TRAPPC12: variants seen among roughly 807,000 people sequenced by gnomAD.
TRAPPC12 encodes TPR repeat protein 15.
TRAPPC12 carries 61 observed loss-of-function variants against 69.2 expected under a neutral mutation model. That is an observed-to-expected ratio of 0.88 (90% CI 0.72 to 1.09). The LOEUF is 1.09. Ranked by LOEUF, TRAPPC12 falls within the 50% of genes least tolerant of loss-of-function variation. The pLI, the probability that TRAPPC12 is intolerant of heterozygous loss-of-function variation, is 0.00. For missense variants in TRAPPC12, 1,101 were observed against 1,016.4 expected (o/e 1.08, Z -1.13); for synonymous variants, 469 against 438.9 (o/e 1.07, Z -0.86).
At chr2:3,463,452 G>A (rs749800612) in intron 8 of TRAPPC12, among the ~76,000 whole-genome samples, 4 of 151,588 alleles carry the variant, frequency 2.6e-5, no homozygotes, top group African/African-American at 4.9e-5. Context: ...CTGGAATCCA[G>A]CTTCCTCTCA....
At chr2:3,447,499 T>TAA (rs1471254311) in intron 6 of TRAPPC12, among the ~76,000 whole-genome samples, 1 of 152,048 alleles carries the variant, frequency 6.6e-6, no homozygotes, top group Non-Finnish European at 1.5e-5. Context: ...GCACCAGACT[T>TAA]TTTTTGACAA....
chr2:3,444,719 G>A (rs1002041326), intron 6 of TRAPPC12, among the ~76,000 whole-genome samples: 3 of 152,202 alleles, frequency 2.0e-5, no homozygotes, highest in Non-Finnish European at 2.9e-5. Flanking sequence ...GAAGTTTTGC[G>A]GAGTTCCAAG....
At chr2:3,432,914 G>A (rs1031612629) in intron 5 of TRAPPC12, among the ~76,000 whole-genome samples, 4 of 152,224 alleles carry the variant, frequency 2.6e-5, no homozygotes, top group South Asian at 2.1e-4. Flanking sequence ...TGGCAGACGC[G>A]TACAGAGGCA....
chr2:3,395,241 C>G (rs1661059678), intron 2 of TRAPPC12, among the ~76,000 whole-genome samples: 1 of 152,176 alleles, frequency 6.6e-6, no homozygotes, highest in African/African-American at 2.4e-5. Context: ...CTACTTGATA[C>G]AAAGGATCTC....
At chr2:3,474,043 G>A (rs1666183131) in intron 9 of TRAPPC12, among the ~76,000 whole-genome samples, 1 of 152,140 alleles carries the variant, frequency 6.6e-6, no homozygotes, top group Non-Finnish European at 1.5e-5. Context: ...CTTTAAAATG[G>A]CCATTGCCCA....
At chr2:3,478,729 G>A (rs887229345) in intron 10 of TRAPPC12, 117 bp from the exon 11 acceptor site, 23 of 806,386 alleles carry the variant, frequency 2.9e-5, no homozygotes, top group Middle Eastern at 3.6e-4. Flanking sequence ...CAGGAACCCC[G>A]GGCCACACAG....
rs4971503 is a variant in TRAPPC12, at chr2:3,413,450, G to T, written c.1165-8431G>T. ...CCGTAGCACCAGCAGCTCTTGTTGA[G>T]TGGTGTTCGGTTAGTGAACAGTTTT... On this transcript the variant is annotated intron_variant, in intron 3 of 11. Coordinates refer to ENST00000324266, the MANE Select transcript of TRAPPC12 (RefSeq NM_016030.6). 2.0e-5 allele frequency among the ~76,000 whole-genome samples: 3 copies of T among 152,096 alleles called. No homozygotes were observed. The South Asian group carries it at 6.2e-4, about 31-fold the overall frequency.
intron 4 of TRAPPC12, among the ~76,000 whole-genome samples, chr2:3,422,676 C>T (rs1479905419): frequency 2.0e-5 from 3 of 152,194 alleles, no homozygotes; most frequent in Non-Finnish European, 4.4e-5. Context: ...CAGCAGGCTC[C>T]TTCTCCTTCT....
rs930045735 is a variant in TRAPPC12 at position 3,430,487 on chromosome 2, C to T, written c.1417+5824C>T. The stretch of plus-strand genomic sequence containing the variant: ...TCGGAGTCTCCTCTTTGGTGACTCA[C>T]TCTTTCATAATCTTGGCCTGTATTT... On this transcript the variant is annotated intron_variant, in intron 5 of 11. Transcript: ENST00000324266. 1.7e-4 allele frequency among the ~76,000 whole-genome samples: 26 copies of T among 152,204 alleles called. 1 individual carries two copies. The highest frequency in any genetic ancestry group is 4.4e-5 in the Non-Finnish European group (3 of 68,034).
intron 2 of TRAPPC12, among the ~76,000 whole-genome samples, chr2:3,397,511 ACT>A (rs949946196): frequency 4.6e-5 from 7 of 152,058 alleles, no homozygotes; most frequent in African/African-American, 1.4e-4. Flanking sequence ...TCAGAGCTGC[ACT>A]CTCTGCACAT....
chr2:3,475,819 C>T (rs148905510), intron 9 of TRAPPC12, among the ~76,000 whole-genome samples: 6 of 152,190 alleles, frequency 3.9e-5, no homozygotes, highest in Non-Finnish European at 8.8e-5. Context: ...ATCTAGAAAG[C>T]GAAGCTAGCG....
At chr2:3,477,642 A>T (rs577742768) in intron 9 of TRAPPC12, 53 bp from the exon 10 acceptor site, 1 of 1,118,788 alleles carries the variant, frequency 8.9e-7, no homozygotes, top group East Asian at 2.4e-5. Context: ...ATATATGAGT[A>T]TAGACTTAAT....
chr2:3,457,899 C>T, intron 7 of TRAPPC12: 1 of 1,420,330 alleles, frequency 7.0e-7, no homozygotes, highest in South Asian at 1.5e-5. Flanking sequence ...AGCCTCAGAC[C>T]CGAACCCTGC....
At chr2:3,463,503 C>CGAGCT (rs919640158) in intron 8 of TRAPPC12, among the ~76,000 whole-genome samples, 6 of 151,312 alleles carry the variant, frequency 4.0e-5, no homozygotes, top group African/African-American at 1.2e-4. Context: ...TGGGAAGAGC[C>CGAGCT]ATGCCTAAAG....
At position 3,460,673 on chromosome 2, in the gene TRAPPC12, G is replaced by A. The variant is rs979543857; in HGVS notation, c.1677+337G>A. The A allele has an allele frequency of 3.0e-5, 8 of 264,374 alleles. 1 individual carries two copies. Among genetic ancestry groups the A allele is most frequent in the African/African-American group, 1.8e-4 (8 of 44,782 alleles). 16.4% of individuals were successfully genotyped at this position (264,374 alleles called of 1,614,324 possible). On this transcript the variant is annotated intron_variant, in intron 8 of 11. Coordinates refer to ENST00000324266, the MANE Select transcript of TRAPPC12 (RefSeq NM_016030.6). ...TGTCCTTTGTTCTCCCTATCTTCGTGGAGGGTGTTTTTTTCACCTCATGGT... is the reference window on the plus strand; with the variant it reads ...TGTCCTTTGTTCTCCCTATCTTCGTAGAGGGTGTTTTTTTCACCTCATGGT...
At position 3,407,351 on chromosome 2, in the gene TRAPPC12, A is replaced by C. The variant is rs549586384; in HGVS notation, c.1164+5458A>C. Among the ~76,000 whole-genome samples, 203 of 152,368 alleles carry C rather than the reference A, an allele frequency of 1.3e-3. 5 individuals are homozygous for C. The South Asian group carries it at 0.041, about 31-fold the overall frequency. ...CCTGTATCGTACTCCTAGCAAAAAA[A>C]CGTAAAAGTAGTTTTTATCTAAAAT... On this transcript the variant is annotated intron_variant, in intron 3 of 11. Transcript: ENST00000324266.
chr2:3,403,614 G>A (rs572050104), intron 3 of TRAPPC12, among the ~76,000 whole-genome samples: 1 of 152,336 alleles, frequency 6.6e-6, no homozygotes, highest in African/African-American at 2.4e-5. Context: ...ATTAAACTTT[G>A]CAGCCCATTG....
At chr2:3,402,351 G>A (rs556606614) in intron 3 of TRAPPC12, among the ~76,000 whole-genome samples, 34 of 152,126 alleles carry the variant, frequency 2.2e-4, no homozygotes, top group Non-Finnish European at 1.0e-4. Flanking sequence ...CAGCACTTTG[G>A]GAGGCCAAGG....
intron 7 of TRAPPC12, among the ~76,000 whole-genome samples, chr2:3,459,210 G>A (rs1026296016): frequency 3.3e-5 from 5 of 152,232 alleles, no homozygotes; most frequent in African/African-American, 1.2e-4. Context: ...GAGGCCAGGA[G>A]CACTCCCAGG....
Sources: gnomAD v4.1 joint callset for allele counts (sites outside exome capture counted in the v4.1 genomes callset) on GRCh38, gnomAD v4.1.1 for gene constraint, MANE v1.5 for transcripts, NCBI Gene and HGNC (gene_info 2026-07-23, HGNC 2026-07-21) for gene names.